SPATA9: variants seen among roughly 807,000 people sequenced by gnomAD.
SPATA9 encodes spermatogenesis associated 9.
In SPATA9, 27 loss-of-function variants were observed where a neutral mutation model predicts 25.5. The ratio of observed to expected loss-of-function variants is 1.06; its 90% CI spans 0.78 to 1.46. The LOEUF (loss-of-function observed/expected upper bound fraction) is 1.46. Among genes scored for constraint, SPATA9 ranks in the 40% most tolerant of loss-of-function variants. The pLI is 0.00. For missense variants in SPATA9, 282 were observed against 297.5 expected (o/e 0.95, Z 0.38); for synonymous variants, 102 against 105.7 (o/e 0.97, Z 0.21).
chr5:95,708,743 G>C, the SPATA9 span: 1 of 668,920 alleles, frequency 1.5e-6, no homozygotes, highest in Non-Finnish European at 2.7e-6. Context: ...TCATGGGTGC[G>C]AGCTGGCTCT....
At chr5:95,713,901 C>A in the SPATA9 span, among the ~76,000 whole-genome samples, 1 of 151,752 alleles carries the variant, frequency 6.6e-6, no homozygotes, top group Non-Finnish European at 1.5e-5. Context: ...TATATGCACA[C>A]AAATACACAT....
intron 3 of SPATA9, chr5:95,671,002 C>A: frequency 1.7e-6 from 1 of 577,490 alleles, no homozygotes; most frequent in East Asian, 1.4e-4. Context: ...TAACCCCAGC[C>A]CCCAAGGACC....
At chr5:95,655,948 C>T (rs546723296), downstream of SPATA9, 5 of 1,114,436 alleles carry the variant, frequency 4.5e-6, no homozygotes, top group African/African-American at 7.9e-5. Flanking sequence ...GAAAAGCTAA[C>T]CTGTTTTTTT....
downstream of SPATA9, among the ~76,000 whole-genome samples, chr5:95,655,166 T>C (rs1420627705): frequency 6.6e-6 from 1 of 152,210 alleles, no homozygotes; most frequent in Non-Finnish European, 1.5e-5. Context: ...TGTTTATTTT[T>C]TCTATTTTTT....
chr5:95,689,227 T>A (rs1198455599), intron 1 of SPATA9, among the ~76,000 whole-genome samples: 1 of 152,164 alleles, frequency 6.6e-6, no homozygotes, highest in Non-Finnish European at 1.5e-5. Flanking sequence ...TGGTAAATAA[T>A]ACCGACTATA....
chr5:95,709,632 G>T, the SPATA9 span, among the ~76,000 whole-genome samples: 1 of 152,132 alleles, frequency 6.6e-6, no homozygotes, highest in Non-Finnish European at 1.5e-5. Flanking sequence ...ATCAAGGGAT[G>T]ATTTCATTAA....
chr5:95,706,209 C>G, the SPATA9 span, among the ~76,000 whole-genome samples: 41,962 of 147,608 alleles, frequency 0.28, 6,186 homozygotes, highest in East Asian at 0.49. Flanking sequence ...CTGCCCAGTT[C>G]ATATGGTTTG....
upstream of SPATA9, among the ~76,000 whole-genome samples, chr5:95,702,093 A>G (rs1428515034): frequency 6.6e-6 from 1 of 152,172 alleles, no homozygotes; most frequent in Non-Finnish European, 1.5e-5. Flanking sequence ...TTAAGAGCAC[A>G]TAGTACTTGC....
At chr5:95,695,577 G>A (rs953525954) in intron 1 of SPATA9, among the ~76,000 whole-genome samples, 7 of 152,144 alleles carry the variant, frequency 4.6e-5, no homozygotes, top group Non-Finnish European at 7.3e-5. Flanking sequence ...CAGCCTGGGC[G>A]ATAGAGTGAG....
In SPATA9 at chr5:95,674,033, A is replaced by G. The variant is rs755831367; in HGVS notation, c.378+1379T>C. Reference sequence around the variant, plus strand: ...GGGATTACAGGCATGAGCCACAGCTATGTTTATTTTCAGTGATCTAAAGAT... The same window carrying G: ...GGGATTACAGGCATGAGCCACAGCTGTGTTTATTTTCAGTGATCTAAAGAT... On this transcript the variant is annotated intron_variant, in intron 3 of 4. Transcript: ENST00000274432. Among the ~76,000 whole-genome samples, 69 of 152,234 alleles carry G rather than the reference A, an allele frequency of 4.5e-4. 2 individuals are homozygous for G. Among genetic ancestry groups the G allele is most frequent in the Middle Eastern group, 3.4e-3 (1 of 294 alleles).
upstream of SPATA9, among the ~76,000 whole-genome samples, chr5:95,702,595 G>A (rs559994468): frequency 3.9e-5 from 6 of 152,190 alleles, no homozygotes; most frequent in Non-Finnish European, 8.8e-5. Context: ...ATAGTCAGAG[G>A]CCAGGCACAG....
downstream of SPATA9, chr5:95,652,487 T>C: frequency 1.1e-6 from 1 of 931,374 alleles, no homozygotes; most frequent in South Asian, 3.7e-5. Flanking sequence ...TATATAGCTC[T>C]TGATTTTCCA....
intron 1 of SPATA9, among the ~76,000 whole-genome samples, chr5:95,697,458 C>CAG (rs1260015378): frequency 4.6e-5 from 7 of 152,032 alleles, no homozygotes; most frequent in South Asian, 2.1e-4. Context: ...GAGAGACACA[C>CAG]AGAGAGAGAG....
At chr5:95,682,721 A>G in intron 1 of SPATA9, 73 bp downstream of exon 1, 1 of 1,510,300 alleles carries the variant, frequency 6.6e-7, no homozygotes, top group Non-Finnish European at 9.0e-7. Context: ...CTCGGAAAGT[A>G]AAGGAACTCT....
chr5:95,694,170 CAAAT>C (rs1170577334), intron 1 of SPATA9, among the ~76,000 whole-genome samples: 1 of 151,844 alleles, frequency 6.6e-6, no homozygotes, highest in Non-Finnish European at 1.5e-5. Context: ...AAAAAAAAGG[CAAAT>C]AAATAAGTAT....
chr5:95,718,891 A>G, the SPATA9 span, among the ~76,000 whole-genome samples: 1,247 of 152,304 alleles, frequency 8.2e-3, 19 homozygotes, highest in African/African-American at 0.028. Context: ...ACAAGCAGGG[A>G]ACAACTGGAT....
intron 4 of SPATA9, among the ~76,000 whole-genome samples, chr5:95,662,803 A>G (rs1751388205): frequency 6.6e-6 from 1 of 152,266 alleles, no homozygotes; most frequent in Admixed American, 6.5e-5. Context: ...GAGGTACTCA[A>G]TCTCATTAAT....
chr5:95,681,049 C>G lies in SPATA9; in HGVS notation c.150+1479G>C, dbSNP rs549205176. 1.6e-4 allele frequency among the ~76,000 whole-genome samples: 25 copies of G among 152,312 alleles called. No homozygotes were observed. The South Asian group carries it at 5.2e-3, about 32-fold the overall frequency. ...CCAATGTTAATGTCCTTGTTCTTAG[C>G]TGTCATTTGCAACAAAATCTTCCTA... On this transcript the variant is annotated intron_variant, in intron 2 of 4. Coordinates refer to ENST00000274432, the MANE Select transcript of SPATA9 (RefSeq NM_031952.4).
downstream of SPATA9, chr5:95,657,602 A>G (rs1370305660): frequency 6.6e-6 from 1 of 152,128 alleles, no homozygotes; most frequent in African/African-American, 2.4e-5. Context: ...TCTCTTGGTT[A>G]TTATAAAAAT....
Sources: gnomAD v4.1 joint callset for allele counts (sites outside exome capture counted in the v4.1 genomes callset) on GRCh38, gnomAD v4.1.1 for gene constraint, MANE v1.5 for transcripts, NCBI Gene and HGNC (gene_info 2026-07-23, HGNC 2026-07-21) for gene names.